The following C4orf17 variants were observed in gnomAD, a reference collection of about 807,000 sequenced individuals.
C4orf17 encodes uncharacterized protein C4orf17.
C4orf17 carries 25 observed loss-of-function variants against 32.0 expected under a neutral mutation model. The ratio of observed to expected loss-of-function variants is 0.78; its 90% confidence interval spans 0.57 to 1.09. The LOEUF is 1.09. Among genes scored for constraint, C4orf17 ranks in the 50% least tolerant of loss-of-function variants. The probability of loss-of-function intolerance (pLI) is 0.00; values close to 1 mark genes in which losing one functional copy is unlikely to be tolerated. For synonymous variants in C4orf17, 149 were observed against 145.8 expected (o/e 1.02, Z -0.16); for missense variants, 420 against 420.0 (o/e 1.00, Z 0.00).
chr4:99,516,310 A>G lies in C4orf17; in HGVS notation c.127+3102A>G, dbSNP rs552620353. ...TACTGCATGTGTAGTAACATCAGGC[A>G]TCCAAATGGAAATGAGCTGCCCACA... On this transcript the variant is annotated intron_variant, in intron 2 of 8. Transcript: ENST00000326581. 3.9e-5 allele frequency among the ~76,000 whole-genome samples: 6 copies of G among 152,334 alleles called. No homozygotes were observed. The South Asian group carries it at 1.2e-3, about 32-fold the overall frequency.
intron 2 of C4orf17, among the ~76,000 whole-genome samples, chr4:99,517,229 C>G (rs868717599): frequency 6.6e-6 from 1 of 152,140 alleles, no homozygotes; most frequent in Non-Finnish European, 1.5e-5. Context: ...CACGGCAGGT[C>G]TCATGCTATC....
At chr4:99,512,690 G>T (rs1475283594) in intron 1 of C4orf17, among the ~76,000 whole-genome samples, 1 of 151,690 alleles carries the variant, frequency 6.6e-6, no homozygotes, top group African/African-American at 2.4e-5. Context: ...ATTTTTTTTG[G>T]TAAGTCAACA....
At chr4:99,517,079 A>G (rs1340001481) in intron 2 of C4orf17, among the ~76,000 whole-genome samples, 1 of 152,208 alleles carries the variant, frequency 6.6e-6, no homozygotes, top group South Asian at 2.1e-4. Context: ...CCACAATTCC[A>G]GACTCAACCT....
In C4orf17 at chr4:99,540,010, T is replaced by A. The variant is rs182126642; in HGVS notation, c.837-402T>A. 6.0e-3 allele frequency among the ~76,000 whole-genome samples: 915 copies of A among 152,192 alleles called. 7 individuals carry two copies. The highest frequency in any genetic ancestry group is 0.02 in the African/African-American group (815 of 41,546). ...ATGTTATTTAAGCTAGGAGAGAAAATCTTGTTGCTTTAAAATTAAAAGTTG... is the reference window on the plus strand; with the variant it reads ...ATGTTATTTAAGCTAGGAGAGAAAAACTTGTTGCTTTAAAATTAAAAGTTG... On this transcript the variant is annotated intron_variant, in intron 7 of 8. Coordinates refer to ENST00000326581, the MANE Select transcript of C4orf17 (RefSeq NM_032149.3).
chr4:99,541,693 G>T, intron 8 of C4orf17: 1 of 487,010 alleles, frequency 2.1e-6, no homozygotes, highest in Non-Finnish European at 3.6e-6. Context: ...TGAGAGTGAA[G>T]GAACATATCC....
At chr4:99,539,432 C>G in intron 7 of C4orf17, 62 bp downstream of exon 7, 1 of 1,318,442 alleles carries the variant, frequency 7.6e-7, no homozygotes, top group East Asian at 2.3e-5. Flanking sequence ...TTTGAATTCT[C>G]TTGTTATTTA....
chr4:99,535,087 G>A (rs1273503128), intron 5 of C4orf17, among the ~76,000 whole-genome samples: 1 of 152,152 alleles, frequency 6.6e-6, no homozygotes, highest in Non-Finnish European at 1.5e-5. Flanking sequence ...GGCTTGTAGG[G>A]TTTCCACTGA....
chr4:99,516,949 C>A (rs905769907), intron 2 of C4orf17, among the ~76,000 whole-genome samples: 40 of 152,066 alleles, frequency 2.6e-4, no homozygotes, highest in Non-Finnish European at 7.4e-5. Context: ...TAGACAAATC[C>A]AATGCAAAGA....
chr4:99,540,609 C>G (rs940845772), intron 8 of C4orf17, 154 bp downstream of exon 8: 1 of 558,154 alleles, frequency 1.8e-6, no homozygotes, highest in African/African-American at 1.9e-5. Flanking sequence ...CATCTGCTTA[C>G]TTTCTCATAA....
At chr4:99,519,235 A>C (rs1019422010) in intron 2 of C4orf17, 6 of 152,192 alleles carry the variant, frequency 3.9e-5, no homozygotes, top group African/African-American at 1.4e-4. Context: ...TATATACAAG[A>C]GCTCTCACTG....
chr4:99,518,393 G>A (rs982570965), intron 2 of C4orf17, among the ~76,000 whole-genome samples: 11 of 147,932 alleles, frequency 7.4e-5, no homozygotes, highest in African/African-American at 2.5e-4. Flanking sequence ...GCTGAGATAG[G>A]AGGATCACCT....
intron 6 of C4orf17, 132 bp downstream of exon 6, chr4:99,537,882 A>G: frequency 1.4e-6 from 1 of 701,248 alleles, no homozygotes; most frequent in Non-Finnish European, 2.5e-6. Flanking sequence ...GCAATGTTTC[A>G]GTATCAGGGT....
At chr4:99,539,500 C>A in intron 7 of C4orf17, 130 bp downstream of exon 7, 1 of 671,568 alleles carries the variant, frequency 1.5e-6, no homozygotes, top group South Asian at 1.9e-5. Context: ...TAAGTGACTG[C>A]AATATATATT....
At chr4:99,531,941 G>T (rs1214653375) in intron 5 of C4orf17, among the ~76,000 whole-genome samples, 1 of 152,128 alleles carries the variant, frequency 6.6e-6, no homozygotes, top group East Asian at 1.9e-4. Context: ...TTTTGCAGGG[G>T]TATGTGTGAA....
At chr4:99,538,851 T>C (rs151303120) in intron 6 of C4orf17, among the ~76,000 whole-genome samples, 131 of 152,330 alleles carry the variant, frequency 8.6e-4, no homozygotes, top group Non-Finnish European at 9.3e-4. Context: ...TTTGTATAGG[T>C]ATCCTTATAT....
chr4:99,536,052 C>G (rs2110173468), intron 5 of C4orf17: 1 of 425,466 alleles, frequency 2.4e-6, no homozygotes, highest in African/African-American at 2.1e-5. Flanking sequence ...GAGGTATCAT[C>G]AGTGAGAGTT....
chr4:99,523,451 A>G (rs1723331015), intron 3 of C4orf17, among the ~76,000 whole-genome samples: 1 of 152,206 alleles, frequency 6.6e-6, no homozygotes, highest in African/African-American at 2.4e-5. Context: ...AGTACTCACT[A>G]TATGGACATA....
chr4:99,517,667 C>T (rs974312654), intron 2 of C4orf17, among the ~76,000 whole-genome samples: 1 of 152,146 alleles, frequency 6.6e-6, no homozygotes, highest in Non-Finnish European at 1.5e-5. Context: ...TTTTGTTCTT[C>T]AGTAAATGCT....
intron 5 of C4orf17, among the ~76,000 whole-genome samples, chr4:99,537,334 T>C (rs1244819099): frequency 6.6e-6 from 1 of 152,152 alleles, no homozygotes; most frequent in African/African-American, 2.4e-5. Context: ...ACAGAATATC[T>C]GTGTGTCAGT....
Sources: gnomAD v4.1 joint callset for allele counts (sites outside exome capture counted in the v4.1 genomes callset) on GRCh38, gnomAD v4.1.1 for gene constraint, MANE v1.5 for transcripts, NCBI Gene and HGNC (gene_info 2026-07-23, HGNC 2026-07-21) for gene names.